Variants in SMAP1 observed in about 807,000 individuals in gnomAD.
The protein encoded by SMAP1 is small ArfGAP 1.
SMAP1 carries 24 observed loss-of-function variants against 58.5 expected under a neutral mutation model. The ratio of observed to expected loss-of-function variants is 0.41; its 90% CI spans 0.30 to 0.58. The LOEUF (loss-of-function observed/expected upper bound fraction) is 0.58. SMAP1 is among the 20% of genes least tolerant of loss of function. The pLI, the probability that SMAP1 is intolerant of heterozygous loss-of-function variation, is 0.29. For synonymous variants in SMAP1, 216 were observed against 196.6 expected (o/e 1.10, Z -0.82); for missense variants, 563 against 566.3 (o/e 0.99, Z 0.06).
At chr6:70,805,385 C>G (rs967505716) in intron 6 of SMAP1, among the ~76,000 whole-genome samples, 2 of 152,166 alleles carry the variant, frequency 1.3e-5, no homozygotes, top group Non-Finnish European at 2.9e-5. Flanking sequence ...ACTGTTTATT[C>G]TAGTTAGCCA....
intron 1 of SMAP1, among the ~76,000 whole-genome samples, chr6:70,679,036 T>C (rs1766595546): frequency 6.6e-6 from 1 of 151,916 alleles, no homozygotes; most frequent in South Asian, 2.1e-4. Context: ...TTTTTTTTGT[T>C]TTTTTGAGAT....
At chr6:70,858,507 T>C (rs560559095) in intron 10 of SMAP1, 4 of 256,394 alleles carry the variant, frequency 1.6e-5, no homozygotes, top group Admixed American at 1.5e-4. Context: ...TGAACACCAC[T>C]AATGGCCAGA....
chr6:70,755,785 G>A (rs544029544), intron 3 of SMAP1, among the ~76,000 whole-genome samples: 1 of 152,086 alleles, frequency 6.6e-6, no homozygotes, highest in African/African-American at 2.4e-5. Flanking sequence ...TAAGCATCCT[G>A]AGTATGTTAG....
chr6:70,709,493 A>G (rs1243994268), intron 1 of SMAP1, among the ~76,000 whole-genome samples: 1 of 151,890 alleles, frequency 6.6e-6, no homozygotes, highest in Admixed American at 6.6e-5. Flanking sequence ...TGCCTGGTTA[A>G]TTTTTAAATT....
At chr6:70,773,074 G>A (rs192500370) in intron 3 of SMAP1, 2 of 323,534 alleles carry the variant, frequency 6.2e-6, no homozygotes, top group East Asian at 1.7e-4. Flanking sequence ...GATAGTGGTG[G>A]TGGTGATGTA....
chr6:70,697,605 C>T (rs951180874), intron 1 of SMAP1, among the ~76,000 whole-genome samples: 5 of 152,094 alleles, frequency 3.3e-5, no homozygotes, highest in South Asian at 4.1e-4. Flanking sequence ...CACGCCTGGC[C>T]GCTTCTTGTC....
chr6:70,692,760 C>T (rs975842229), intron 1 of SMAP1, among the ~76,000 whole-genome samples: 2 of 151,984 alleles, frequency 1.3e-5, no homozygotes, highest in Non-Finnish European at 2.9e-5. Flanking sequence ...GTTTTCTATT[C>T]GATTCCATTT....
At chr6:70,796,316 G>C (rs575847182) in intron 5 of SMAP1, among the ~76,000 whole-genome samples, 2 of 152,212 alleles carry the variant, frequency 1.3e-5, no homozygotes, top group Non-Finnish European at 2.9e-5. Flanking sequence ...ACCACAGTTA[G>C]TAGTGAGACC....
intron 7 of SMAP1, among the ~76,000 whole-genome samples, chr6:70,840,942 T>A (rs562451950): frequency 2.4e-4 from 36 of 152,288 alleles, no homozygotes; most frequent in African/African-American, 7.9e-4. Context: ...GTGAGAAGAG[T>A]GCTCTTCGGG....
In SMAP1 at chr6:70,757,049, C is replaced by T. The variant is rs191835608; in HGVS notation, c.338+1984C>T. ...AGTTCATATGGAACCAAAAAAGAGC[C>T]GGCATTGCCAAGGCAATCCTAAGCC... On this transcript the variant is annotated intron_variant, in intron 3 of 10. Transcript: ENST00000370455. 1.3e-3 allele frequency among the ~76,000 whole-genome samples: 200 copies of T among 152,300 alleles called. 1 individual carries two copies. The highest frequency in any genetic ancestry group is 3.8e-3 in the Admixed American group (58 of 15,294).
chr6:70,810,862 T>C (rs764558150), intron 6 of SMAP1, among the ~76,000 whole-genome samples: 2 of 152,194 alleles, frequency 1.3e-5, no homozygotes, highest in African/African-American at 2.4e-5. Flanking sequence ...TTGATACATA[T>C]ACTGTGCCTT....
At chr6:70,718,099 C>T (rs1305830024) in intron 1 of SMAP1, among the ~76,000 whole-genome samples, 1 of 151,878 alleles carries the variant, frequency 6.6e-6, no homozygotes, top group Admixed American at 6.6e-5. Context: ...TTTTTTTTCC[C>T]CTTCCGACTT....
intron 3 of SMAP1, among the ~76,000 whole-genome samples, chr6:70,771,853 GGGAGCTGTAGACCGGA>G (rs1767333334): frequency 6.6e-6 from 1 of 152,158 alleles, no homozygotes; most frequent in Non-Finnish European, 1.5e-5. Flanking sequence ...CGCTCACGCT[GGGAGCTGTAGACCGGA>G]GCTGTTCCTA....
intron 3 of SMAP1, among the ~76,000 whole-genome samples, chr6:70,767,912 T>G (rs1767072602): frequency 6.9e-6 from 1 of 145,640 alleles, no homozygotes; most frequent in African/African-American, 2.6e-5. Flanking sequence ...GTTATTATTT[T>G]GAGATACGTC....
At chr6:70,698,622 C>T (rs1767505733) in intron 1 of SMAP1, among the ~76,000 whole-genome samples, 1 of 152,096 alleles carries the variant, frequency 6.6e-6, no homozygotes, top group African/African-American at 2.4e-5. Flanking sequence ...TTTGAAATAG[C>T]CTGCTTCAAG....
chr6:70,758,674 A>G (rs967685001), intron 3 of SMAP1, among the ~76,000 whole-genome samples: 5 of 152,022 alleles, frequency 3.3e-5, no homozygotes, highest in Admixed American at 3.3e-4. Context: ...ATACAGCCCA[A>G]AATTAGCAAT....
At chr6:70,668,497 TAG>T in intron 1 of SMAP1, 2 of 1,473,442 alleles carry the variant, frequency 1.4e-6, no homozygotes, top group African/African-American at 1.4e-5. Flanking sequence ...AGCTTAGGGT[TAG>T]AGAGTTGCCC....
At chr6:70,757,377 A>AT (rs1457785446) in intron 3 of SMAP1, among the ~76,000 whole-genome samples, 8 of 151,664 alleles carry the variant, frequency 5.3e-5, no homozygotes, top group Non-Finnish European at 1.0e-4. Context: ...TTCAAGATGG[A>AT]TTAAAGACTT....
intron 2 of SMAP1, among the ~76,000 whole-genome samples, chr6:70,740,996 G>C (rs927570397): frequency 6.6e-6 from 1 of 152,018 alleles, no homozygotes; most frequent in Non-Finnish European, 1.5e-5. Flanking sequence ...GGGGAAAACC[G>C]CCCCCATGAT....
Sources: gnomAD v4.1 joint callset for allele counts (sites outside exome capture counted in the v4.1 genomes callset) on GRCh38, gnomAD v4.1.1 for gene constraint, MANE v1.5 for transcripts, NCBI Gene and HGNC (gene_info 2026-07-23, HGNC 2026-07-21) for gene names.